Variants in PBXIP1 observed in about 807,000 individuals in gnomAD.
PBXIP1 encodes the protein pre-B-cell leukemia transcription factor-interacting protein 1.
A neutral mutation model predicts 73.7 loss-of-function variants in PBXIP1; 73 were observed. That is an observed-to-expected ratio of 0.99 (90% confidence interval 0.82 to 1.20). The LOEUF is 1.20. PBXIP1 is among the 50% of genes most tolerant of loss of function. The pLI, the probability that PBXIP1 is intolerant of heterozygous loss-of-function variation, is 0.00. For synonymous variants in PBXIP1, 330 were observed against 366.9 expected, an observed-to-expected ratio of 0.90 and a Z score of 1.15; for missense variants, 818 against 911.4, an observed-to-expected ratio of 0.90 and a Z score of 1.32.
In PBXIP1 at chr1:154,951,917, A is replaced by G; in HGVS notation, c.56T>C (p.Leu19Pro). 1 of 1,604,224 alleles carries G rather than the reference A, an allele frequency of 6.2e-7. No individual in the cohort carries two copies. The highest frequency in any genetic ancestry group is 8.5e-7 in the Non-Finnish European group (1 of 1,177,578). The change falls in exon 3 of 11, where the codon CTG (leucine) becomes CCG (proline). Residue 19 changes from leucine to proline, a missense_variant. Leu to Pro is a moderately conservative substitution (Grantham distance 98). Coordinates refer to ENST00000368463, the MANE Select transcript of PBXIP1 (RefSeq NM_020524.4). The surrounding 1 kb of genome is among the most constrained non-coding windows in gnomAD (Gnocchi z 4.3). ...TGCCGGGCCCAGTGTCTCCACTGGC[A>G]GGCTCTGGGAGGAGAAGTGCAAGGA... ...NSWVLAGSES[L>P]PVETLGPASR...
At chr1:154,954,429 T>A (rs897521436) in intron 1 of PBXIP1, among the ~76,000 whole-genome samples, 9 of 152,220 alleles carry the variant, frequency 5.9e-5, no homozygotes, top group Non-Finnish European at 1.2e-4. Context: ...CAGCCAGGGT[T>A]AAGAGCCACT....
chr1:154,953,575 C>T, intron 2 of PBXIP1, 96 bp downstream of exon 2: 1 of 747,278 alleles, frequency 1.3e-6, no homozygotes, highest in Non-Finnish European at 2.3e-6. Context: ...AGGTGACCAT[C>T]AGGACTAAGG....
Position 154,944,990 on chromosome 1 carries a change from G to T in PBXIP1, c.*34C>A. 6.4e-7 allele frequency: 1 copy of T among 1,564,060 alleles called. No homozygotes were observed. Among genetic ancestry groups the T allele is most frequent in the Non-Finnish European group, 8.8e-7 (1 of 1,135,204 alleles). ...AGATAACGCTGGGATCTTGGGCTGG[G>T]CCAGGCCAAGGCCATTCCCTGTGGG... is the stretch of plus-strand genomic sequence containing the variant. On this transcript the variant is annotated 3_prime_UTR_variant, in exon 11 of 11. Coordinates refer to ENST00000368463, the MANE Select transcript of PBXIP1 (RefSeq NM_020524.4).
In PBXIP1 at chr1:154,944,726, C is replaced by T. The variant is rs1479477064; in HGVS notation, c.*298G>A. The stretch of plus-strand genomic sequence containing the variant: ...TAGCTTCAGAATCAGATTGCCTTCC[C>T]CAGACCCCACCCCAAAACAGGCTCC... On this transcript the variant is annotated 3_prime_UTR_variant, in exon 11 of 11. Coordinates refer to ENST00000368463, the MANE Select transcript of PBXIP1 (RefSeq NM_020524.4). 7 of 362,792 alleles carry T rather than the reference C, an allele frequency of 1.9e-5. No individual in the cohort carries two copies. In the East Asian group the frequency reaches 2.9e-4, roughly 15 times the overall value. The allele number at this position is 362,792 out of a possible 1,614,324, so 22.5% of individuals were successfully genotyped here.
chr1:154,947,023 T>C, intron 9 of PBXIP1: 2 of 551,838 alleles, frequency 3.6e-6, no homozygotes, highest in East Asian at 6.1e-5. Flanking sequence ...GGCATCTACA[T>C]CTTTATATAA....
chr1:154,952,907 C>T (rs544329830), intron 2 of PBXIP1, among the ~76,000 whole-genome samples: 20 of 152,298 alleles, frequency 1.3e-4, no homozygotes, highest in South Asian at 1.2e-3. Flanking sequence ...GCACCTCAAA[C>T]TCAACATGTT....
At chr1:154,955,113 G>C in intron 1 of PBXIP1, 1 of 197,628 alleles carries the variant, frequency 5.1e-6, no homozygotes, top group Non-Finnish European at 9.1e-6. Flanking sequence ...CATTCCACAC[G>C]GAGACAGGAG....
intron 1 of PBXIP1, among the ~76,000 whole-genome samples, chr1:154,954,440 G>A (rs1325936791): frequency 6.6e-6 from 1 of 152,198 alleles, no homozygotes; most frequent in African/African-American, 2.4e-5. Context: ...AAGAGCCACT[G>A]GCATAGCTTA....
intron 10 of PBXIP1, 134 bp downstream of exon 10, chr1:154,945,438 C>T (rs776896757): frequency 1.1e-5 from 10 of 941,100 alleles, no homozygotes; most frequent in African/African-American, 4.9e-5. Flanking sequence ...AGAAAGGAAG[C>T]GGACCTGAAT....
intron 2 of PBXIP1, among the ~76,000 whole-genome samples, chr1:154,952,429 C>T (rs1261683469): frequency 1.3e-5 from 2 of 152,030 alleles, no homozygotes; most frequent in African/African-American, 2.4e-5. Flanking sequence ...CTCCCAGCAG[C>T]TGCTCACAGA....
chr1:154,954,877 T>TA (rs1222775445), intron 1 of PBXIP1: 2 of 615,404 alleles, frequency 3.2e-6, no homozygotes, highest in Admixed American at 6.3e-5. Flanking sequence ...CAGAACAGGA[T>TA]AAATGACTGC....
chr1:154,946,833 AC>A, intron 9 of PBXIP1, 30 bp from the exon 10 acceptor site: 1 of 1,508,404 alleles, frequency 6.6e-7, no homozygotes, highest in Non-Finnish European at 8.8e-7. Flanking sequence ...AAAGGAAGTC[AC>A]AAAGAGTTCT....
chr1:154,953,853 G>T, intron 1 of PBXIP1, 96 bp from the exon 2 acceptor site: 2 of 716,792 alleles, frequency 2.8e-6, no homozygotes, highest in Middle Eastern at 3.8e-4. Context: ...CAAGTGCTGG[G>T]CAGCAGCCTC....
rs79526479 is a variant in PBXIP1 at position 154,945,075 on chromosome 1, C to T, written c.2145G>A (p.Ala715=). The T allele has an allele frequency of 0.03, 48,000 of 1,613,920 alleles. 895 individuals carry two copies. The highest frequency in any genetic ancestry group is 0.065 in the Admixed American group (3,914 of 60,016). Residue 715 remains alanine, a synonymous_variant, in exon 11 of 11, where the codon GCG becomes GCA. Transcript: ENST00000368463. The part of the protein sequence containing the change: ...KDKHSQSPRA[A]GPREGHSHSH... ...TATGGCTGTGCCCCTCCCTGGGCCC[C>T]GCAGCTCTTGGGCTCTGTGAGTGCT...
rs762465955 is a variant in PBXIP1 at position 154,951,777 on chromosome 1, C to G, written c.178+18G>C. The G allele has an allele frequency of 8.1e-6, 13 of 1,612,884 alleles. No individual in the cohort carries two copies. Among genetic ancestry groups the G allele is most frequent in the Non-Finnish European group, 1.1e-5 (13 of 1,179,594 alleles). ...ATAGCTTTGTCCGGTAAGCTATGTC[C>G]TAAGCAGGGCCCAGTACCTTCTCCA... On this transcript the variant is annotated intron_variant, in intron 3 of 10. Coordinates refer to ENST00000368463, the MANE Select transcript of PBXIP1 (RefSeq NM_020524.4). This position sits in a 1 kb window ranked among gnomAD's most constrained non-coding sequence, Gnocchi z 4.3.
In PBXIP1 at chr1:154,951,925, G is replaced by GGAGGAGAAGTGC; in HGVS notation, c.52-16_52-5dup. The GGAGGAGAAGTGC allele has an allele frequency of 1.2e-6, 2 of 1,601,886 alleles. No individual in the cohort carries two copies. Among genetic ancestry groups the GGAGGAGAAGTGC allele is most frequent in the Non-Finnish European group, 1.7e-6 (2 of 1,177,152 alleles). ...CCAGTGTCTCCACTGGCAGGCTCTG[G>GGAGGAGAAGTGC]GAGGAGAAGTGCAAGGAGAAGGGCT... On this transcript the variant is annotated splice_polypyrimidine_tract_variant and splice_region_variant and intron_variant, in intron 2 of 10. Transcript: ENST00000368463. This position sits in a 1 kb window ranked among gnomAD's most constrained non-coding sequence, Gnocchi z 4.3.
At chr1:154,953,337 T>A (rs1271659247) in intron 2 of PBXIP1, among the ~76,000 whole-genome samples, 1 of 152,036 alleles carries the variant, frequency 6.6e-6, no homozygotes, top group East Asian at 1.9e-4. Flanking sequence ...CGTCTCCACA[T>A]CACCCATGGG....
At position 154,951,165 on chromosome 1, in the gene PBXIP1, T is replaced by C; in HGVS notation, c.409+67A>G. ...CTGGACCACAGCATGTGCTCAGTAG[T>C]GATGGCTGATCCCTCTCCCATACCT... is the stretch of plus-strand genomic sequence containing the variant. On this transcript the variant is annotated intron_variant, in intron 5 of 10. Coordinates refer to ENST00000368463, the MANE Select transcript of PBXIP1 (RefSeq NM_020524.4). This position sits in a 1 kb window ranked among gnomAD's most constrained non-coding sequence, Gnocchi z 4.3. 1 of 1,450,636 alleles carries C rather than the reference T, an allele frequency of 6.9e-7. No individual in the cohort carries two copies. Among genetic ancestry groups the C allele is most frequent in the Non-Finnish European group, 9.6e-7 (1 of 1,038,724 alleles). The allele number at this position is 1,450,636 out of a possible 1,614,324, so 89.9% of individuals were successfully genotyped here.
chr1:154,952,889 C>A (rs1655054304), intron 2 of PBXIP1, among the ~76,000 whole-genome samples: 1 of 152,156 alleles, frequency 6.6e-6, no homozygotes, highest in Non-Finnish European at 1.5e-5. Flanking sequence ...CAGCTGGGTT[C>A]CTCAAGGGCA....
Sources: allele counts gnomAD v4.1 joint callset (sites outside exome capture counted in the v4.1 genomes callset), GRCh38; gene constraint gnomAD v4.1.1; non-coding constraint Gnocchi (gnomAD v3.1); transcripts MANE v1.5; gene names NCBI Gene and HGNC (gene_info 2026-07-23, HGNC 2026-07-21).